The following CLECL1 variants were observed in gnomAD, a reference collection of about 807,000 sequenced individuals.
CLECL1 encodes C-type lectin-like domain family 1.
chr12:9,713,403 T>C (rs189244408), downstream of CLECL1, among the ~76,000 whole-genome samples: 43 of 152,384 alleles, frequency 2.8e-4, no homozygotes, highest in African/African-American at 9.9e-4. Flanking sequence ...ACCATAATAC[T>C]GTTCTGCTTT....
At chr12:9,707,522 G>C in the CLECL1 span, among the ~76,000 whole-genome samples, 1 of 150,478 alleles carries the variant, frequency 6.6e-6, no homozygotes, top group Admixed American at 6.6e-5. Flanking sequence ...TCTCTGGCTA[G>C]GGCTCCACTT....
chr12:9,727,148 G>A (rs938316696), intron 3 of CLECL1, among the ~76,000 whole-genome samples: 11 of 151,556 alleles, frequency 7.3e-5, no homozygotes, highest in Non-Finnish European at 1.2e-4. Context: ...ACATTCATAC[G>A]AGAGAGCAAA....
rs79809727 is a variant in CLECL1, at chr12:9,732,982, G to A, written n.49C>T. 6,863 of 1,609,874 alleles carry A rather than the reference G, an allele frequency of 4.3e-3. 193 individuals carry two copies. In the African/African-American group the frequency reaches 0.065, roughly 15 times the overall value. On this transcript the variant is annotated non_coding_transcript_exon_variant, in exon 1 of 4. Coordinates refer to ENST00000621400, the Ensembl canonical transcript of CLECL1. Reference sequence around the variant, plus strand: ...TGAAGTGGAAACGCGAGTTCTAACGGGGAAGTCCGAACAGTTTTGATGTCA... The same window carrying A: ...TGAAGTGGAAACGCGAGTTCTAACGAGGAAGTCCGAACAGTTTTGATGTCA...
At chr12:9,722,051 A>G (rs1442097194), downstream of CLECL1, among the ~76,000 whole-genome samples, 1 of 152,198 alleles carries the variant, frequency 6.6e-6, no homozygotes, top group Non-Finnish European at 1.5e-5. Context: ...AAACTGAGCT[A>G]CTGACATAGC....
At chr12:9,715,438 G>A (rs887382810), downstream of CLECL1, among the ~76,000 whole-genome samples, 1 of 152,086 alleles carries the variant, frequency 6.6e-6, no homozygotes, top group African/African-American at 2.4e-5. Flanking sequence ...AGCACACATC[G>A]GGCTGGTCAC....
downstream of CLECL1, among the ~76,000 whole-genome samples, chr12:9,718,962 C>T (rs759388429): frequency 1.3e-5 from 2 of 152,192 alleles, no homozygotes; most frequent in Non-Finnish European, 2.9e-5. Context: ...CCTCCTTGTT[C>T]TCAAGAGTGT....
In CLECL1 at chr12:9,723,217, G is replaced by C. The variant is rs1242057960; in HGVS notation, n.263-404C>G. On this transcript the variant is annotated intron_variant and non_coding_transcript_variant, in intron 3 of 3. Transcript: ENST00000621400. ...TGGGAGTTTATATCACACTAGTATA[G>C]TTATTCACAAGCAAAATTTGTGCTA... 3.9e-5 allele frequency among the ~76,000 whole-genome samples: 6 copies of C among 152,262 alleles called. No homozygotes were observed. In the East Asian group the frequency reaches 1.2e-3, roughly 29 times the overall value.
chr12:9,727,205 C>T (rs992519780), intron 3 of CLECL1, among the ~76,000 whole-genome samples: 12 of 151,510 alleles, frequency 7.9e-5, no homozygotes, highest in Non-Finnish European at 1.3e-4. Context: ...TATGTAATAA[C>T]GTTAAAAAAT....
chr12:9,729,781 G>A (rs1406261875), intron 1 of CLECL1, among the ~76,000 whole-genome samples: 1 of 151,678 alleles, frequency 6.6e-6, no homozygotes, highest in Non-Finnish European at 1.5e-5. Context: ...ATGTTCCTGA[G>A]TTACTTTCCT....
chr12:9,710,760 G>A, the CLECL1 span, among the ~76,000 whole-genome samples: 5 of 152,186 alleles, frequency 3.3e-5, no homozygotes, highest in African/African-American at 7.2e-5. Context: ...ATGCTGGTAG[G>A]CCACTGACTG....
the CLECL1 span, among the ~76,000 whole-genome samples, chr12:9,707,172 T>C: frequency 9.2e-5 from 14 of 152,156 alleles, no homozygotes; most frequent in African/African-American, 3.4e-4. Context: ...TTGAAAAAGC[T>C]GAAGGGTTAA....
chr12:9,733,362 T>C (rs1176411753), upstream of CLECL1: 5 of 798,988 alleles, frequency 6.3e-6, no homozygotes, highest in Admixed American at 7.5e-5. Flanking sequence ...TTTTCTCCTA[T>C]AGACCACTTC....
At chr12:9,726,347 A>G (rs369770396) in intron 3 of CLECL1, among the ~76,000 whole-genome samples, 7 of 152,008 alleles carry the variant, frequency 4.6e-5, no homozygotes, top group East Asian at 3.8e-4. Flanking sequence ...TTATCACTGA[A>G]ATTAAAAACT....
chr12:9,711,954 C>T (rs1866203858), downstream of CLECL1, among the ~76,000 whole-genome samples: 1 of 152,124 alleles, frequency 6.6e-6, no homozygotes, highest in African/African-American at 2.4e-5. Flanking sequence ...GCAAGCTTCT[C>T]CCTCAGTATT....
intron 1 of CLECL1, among the ~76,000 whole-genome samples, chr12:9,730,690 T>C (rs1311362167): frequency 1.3e-5 from 2 of 152,040 alleles, no homozygotes; most frequent in South Asian, 2.1e-4. Context: ...TCTTTCTTTT[T>C]TTCTTTTCTT....
At chr12:9,711,687 C>T (rs1866202289), downstream of CLECL1, among the ~76,000 whole-genome samples, 1 of 151,692 alleles carries the variant, frequency 6.6e-6, no homozygotes, top group Non-Finnish European at 1.5e-5. Flanking sequence ...TTTTGTGGTT[C>T]CTTTTCCTTT....
chr12:9,704,536 A>G, the CLECL1 span, among the ~76,000 whole-genome samples: 1 of 152,110 alleles, frequency 6.6e-6, no homozygotes, highest in Non-Finnish European at 1.5e-5. Flanking sequence ...AGTATCCATT[A>G]TTTTTTAAAT....
chr12:9,729,649 T>C (rs929697458), exon 2 of CLECL1, among the ~76,000 whole-genome samples: 3 of 152,154 alleles, frequency 2.0e-5, no homozygotes, highest in Non-Finnish European at 1.5e-5. Flanking sequence ...ACATCCAACG[T>C]TAAGAACAAT....
At chr12:9,719,395 G>A (rs996304829), downstream of CLECL1, among the ~76,000 whole-genome samples, 3 of 152,142 alleles carry the variant, frequency 2.0e-5, no homozygotes, top group East Asian at 1.9e-4. Context: ...GCGTGGTGGC[G>A]GGCGCCTGTA....
Sources: allele counts gnomAD v4.1 joint callset (sites outside exome capture counted in the v4.1 genomes callset), GRCh38; gene constraint gnomAD v4.1.1; transcripts MANE v1.5; gene names NCBI Gene and HGNC (gene_info 2026-07-23, HGNC 2026-07-21).